Variants in PTPRT observed in about 807,000 individuals in gnomAD.
The protein encoded by PTPRT is receptor-type tyrosine-protein phosphatase T.
PTPRT carries 56 observed loss-of-function variants against 176.8 expected under a neutral mutation model. The ratio of observed to expected loss-of-function variants is 0.32; its 90% CI spans 0.26 to 0.40. The LOEUF (loss-of-function observed/expected upper bound fraction) is 0.40, where lower values mean the gene tolerates loss of function less well. PTPRT is among the 10% of genes least tolerant of loss of function. The probability of loss-of-function intolerance (pLI) is 1.00; values close to 1 mark genes in which losing one functional copy is unlikely to be tolerated. For synonymous variants in PTPRT, 783 were observed against 739.0 expected, an observed-to-expected ratio of 1.06 and a Z score of -0.96; for missense variants, 1,540 against 1,908.2, an observed-to-expected ratio of 0.81 and a Z score of 3.60.
At position 42,742,083 on chromosome 20, in the gene PTPRT, G is replaced by A. The variant is rs80230581; in HGVS notation, c.859+14379C>T. ...AAGAAAAGCCACAGAGATGAGTGCA[G>A]ATGTGCTCAGGGAGAAGGAGCGCCT... On this transcript the variant is annotated intron_variant, in intron 6 of 30. Coordinates refer to ENST00000373187, the MANE Select transcript of PTPRT (RefSeq NM_007050.6). Among the ~76,000 whole-genome samples, 806 of 152,346 alleles carry A rather than the reference G, an allele frequency of 5.3e-3. 6 individuals carry two copies. Among genetic ancestry groups the A allele is most frequent in the African/African-American group, 0.018 (762 of 41,588 alleles).
chr20:42,562,879 G>T (rs914557255), intron 7 of PTPRT, among the ~76,000 whole-genome samples: 1 of 152,094 alleles, frequency 6.6e-6, no homozygotes, highest in Admixed American at 6.5e-5. Flanking sequence ...ATAAATTAAA[G>T]TCAGATGATT....
intron 9 of PTPRT, among the ~76,000 whole-genome samples, chr20:42,413,065 C>T (rs1028579556): frequency 6.6e-6 from 1 of 151,940 alleles, no homozygotes; most frequent in African/African-American, 2.4e-5. Context: ...TAAACACATA[C>T]AAAATTATTT....
At chr20:42,798,494 C>T (rs1398572374) in intron 2 of PTPRT, among the ~76,000 whole-genome samples, 2 of 152,136 alleles carry the variant, frequency 1.3e-5, no homozygotes, top group African/African-American at 4.8e-5. Flanking sequence ...TACCAATAAA[C>T]ATATCATTCA....
intron 7 of PTPRT, among the ~76,000 whole-genome samples, chr20:42,500,037 T>A (rs1206998256): frequency 2.0e-5 from 3 of 152,148 alleles, no homozygotes; most frequent in East Asian, 3.8e-4. Flanking sequence ...AATTTGAGTT[T>A]TTTTATCCAC....
chr20:42,227,416 C>A (rs1410784529), intron 15 of PTPRT, among the ~76,000 whole-genome samples: 2 of 152,006 alleles, frequency 1.3e-5, no homozygotes, highest in East Asian at 3.9e-4. Context: ...GTGTCACAAA[C>A]AAGTGGGTTT....
intron 1 of PTPRT, among the ~76,000 whole-genome samples, chr20:42,906,283 G>A (rs944453840): frequency 2.0e-5 from 3 of 152,168 alleles, no homozygotes; most frequent in South Asian, 2.1e-4. Context: ...GAGGCTGACC[G>A]TCAAAATGAC....
intron 17 of PTPRT, among the ~76,000 whole-genome samples, chr20:42,146,291 C>T (rs548926838): frequency 5.3e-5 from 8 of 152,278 alleles, no homozygotes; most frequent in Admixed American, 3.9e-4. Flanking sequence ...GTACCTGAAA[C>T]CCTCTGTGAT....
intron 7 of PTPRT, among the ~76,000 whole-genome samples, chr20:42,625,261 C>T (rs2074268578): frequency 6.6e-6 from 1 of 151,920 alleles, no homozygotes; most frequent in Non-Finnish European, 1.5e-5. Flanking sequence ...CTCTGGGGCA[C>T]GTTCTTATTA....
intron 4 of PTPRT, among the ~76,000 whole-genome samples, chr20:42,772,841 T>G (rs1290763523): frequency 2.6e-5 from 4 of 152,266 alleles, no homozygotes; most frequent in Non-Finnish European, 1.5e-5. Flanking sequence ...CCAGGTACTA[T>G]GATAAATGCT....
intron 6 of PTPRT, among the ~76,000 whole-genome samples, chr20:42,684,002 C>A (rs571403570): frequency 6.6e-6 from 1 of 152,280 alleles, no homozygotes; most frequent in South Asian, 2.1e-4. Context: ...GCTCACAGTC[C>A]TTGGACACAA....
chr20:43,115,321 C>T (rs1383991649), intron 1 of PTPRT, among the ~76,000 whole-genome samples: 1 of 152,190 alleles, frequency 6.6e-6, no homozygotes, highest in Non-Finnish European at 1.5e-5. Context: ...GCAAGGTCTT[C>T]CCATGAGCCT....
chr20:43,025,424 T>C (rs1224596130), intron 1 of PTPRT, among the ~76,000 whole-genome samples: 1 of 152,224 alleles, frequency 6.6e-6, no homozygotes, highest in Non-Finnish European at 1.5e-5. Flanking sequence ...CACTTTGGCT[T>C]GTGTGGTACT....
At chr20:42,981,121 T>C (rs913306014) in intron 1 of PTPRT, among the ~76,000 whole-genome samples, 1 of 152,226 alleles carries the variant, frequency 6.6e-6, no homozygotes, top group Non-Finnish European at 1.5e-5. Flanking sequence ...TTAAGTCCTG[T>C]CTCGACCTGA....
chr20:42,485,143 G>C (rs532965693), intron 7 of PTPRT, among the ~76,000 whole-genome samples: 76 of 152,300 alleles, frequency 5.0e-4, no homozygotes, highest in African/African-American at 1.8e-3. Flanking sequence ...AGAGGAAATC[G>C]GGTTGGGAAA....
intron 7 of PTPRT, among the ~76,000 whole-genome samples, chr20:42,640,352 C>T (rs947896142): frequency 3.3e-5 from 5 of 151,958 alleles, no homozygotes; most frequent in South Asian, 2.1e-4. Flanking sequence ...TCACTGGGAA[C>T]TTCATTCACT....
At chr20:42,222,828 A>G (rs1471763284) in intron 15 of PTPRT, among the ~76,000 whole-genome samples, 1 of 152,140 alleles carries the variant, frequency 6.6e-6, no homozygotes, top group African/African-American at 2.4e-5. Context: ...AATTAGTTGA[A>G]CCCAAAGAAG....
intron 7 of PTPRT, among the ~76,000 whole-genome samples, chr20:42,499,134 C>A (rs551655379): frequency 6.6e-6 from 1 of 152,058 alleles, no homozygotes; most frequent in African/African-American, 2.4e-5. Flanking sequence ...ACAGCAATAG[C>A]AACAGGAAGT....
rs182372340 is a variant in PTPRT, at chr20:42,748,756, T to C, written c.859+7706A>G. ...TGACAAGACAGTAAAGCCAGAAAAT[T>C]AAGACCCCCAAGAGCAGCTCTCAAC... On this transcript the variant is annotated intron_variant, in intron 6 of 30. Transcript: ENST00000373187. Among the ~76,000 whole-genome samples, 197 of 152,066 alleles carry C rather than the reference T, an allele frequency of 1.3e-3. 1 individual carries two copies. Among genetic ancestry groups the C allele is most frequent in the African/African-American group, 4.6e-3 (191 of 41,474 alleles).
chr20:43,157,080 G>A lies in PTPRT; in HGVS notation c.88+32566C>T, dbSNP rs926565736. Among the ~76,000 whole-genome samples, 15 of 152,134 alleles carry A rather than the reference G, an allele frequency of 9.9e-5. No homozygotes were observed. In the South Asian group the frequency reaches 1.7e-3, roughly 17 times the overall value. On this transcript the variant is annotated intron_variant, in intron 1 of 30. Coordinates refer to ENST00000373187, the MANE Select transcript of PTPRT (RefSeq NM_007050.6). The stretch of plus-strand genomic sequence containing the variant: ...AAAAAAAAAGACACAGGCTGGGCAC[G>A]GTGGCTCACTCCTATCATCCCAGCA...
Sources: gnomAD v4.1 joint callset for allele counts (sites outside exome capture counted in the v4.1 genomes callset) on GRCh38, gnomAD v4.1.1 for gene constraint, MANE v1.5 for transcripts, NCBI Gene and HGNC (gene_info 2026-07-23, HGNC 2026-07-21) for gene names.